AGMO: variants seen among roughly 807,000 people sequenced by gnomAD.
AGMO encodes the protein alkylglycerol monooxygenase, also known as glyceryl-ether monooxygenase.
AGMO carries 75 observed loss-of-function variants against 60.2 expected under a neutral mutation model. The ratio of observed to expected loss-of-function variants is 1.25; its 90% CI spans 1.03 to 1.51. The LOEUF (loss-of-function observed/expected upper bound fraction) is 1.51, where lower values mean the gene tolerates loss of function less well. AGMO is among the 40% of genes most tolerant of loss of function. The probability of loss-of-function intolerance (pLI) is 0.00; values close to 1 mark genes in which losing one functional copy is unlikely to be tolerated. For synonymous variants in AGMO, 261 were observed against 177.1 expected (o/e 1.47, Z -3.76); for missense variants, 763 against 525.5 (o/e 1.45, Z -4.42).
At chr7:15,227,922 A>G (rs1455123107) in intron 12 of AGMO, among the ~76,000 whole-genome samples, 2 of 152,050 alleles carry the variant, frequency 1.3e-5, no homozygotes, top group African/African-American at 2.4e-5. Flanking sequence ...AAAGCTTGGT[A>G]TTAGAGTATT....
At chr7:15,396,087 A>T (rs1190510373) in intron 5 of AGMO, 1 of 152,226 alleles carries the variant, frequency 6.6e-6, no homozygotes, top group Non-Finnish European at 1.5e-5. Context: ...CCCAGCTGCT[A>T]AGGGATTTCC....
intron 12 of AGMO, among the ~76,000 whole-genome samples, chr7:15,221,156 G>A (rs1781908917): frequency 6.6e-6 from 1 of 152,078 alleles, no homozygotes; most frequent in African/African-American, 2.4e-5. Flanking sequence ...CGAAAATGTA[G>A]GAGAATCATT....
intron 3 of AGMO, among the ~76,000 whole-genome samples, chr7:15,530,699 TATATTCTATATATACATTTCTATATAG>T (rs1554283342): frequency 4.3e-5 from 5 of 115,952 alleles, no homozygotes; most frequent in Non-Finnish European, 9.7e-5. Context: ...TATTTCTACA[TATATTCTATATATACATTTCTATATAG>T]ATATTCTATA....
At chr7:15,494,498 G>A (rs760775257) in intron 3 of AGMO, among the ~76,000 whole-genome samples, 5 of 152,158 alleles carry the variant, frequency 3.3e-5, no homozygotes, top group Non-Finnish European at 7.3e-5. Flanking sequence ...ATTACTATGT[G>A]TCGGCTAAAA....
chr7:15,288,603 A>G (rs946503964), intron 12 of AGMO, among the ~76,000 whole-genome samples: 1 of 152,104 alleles, frequency 6.6e-6, no homozygotes, highest in Non-Finnish European at 1.5e-5. Context: ...TGAAAGGAGA[A>G]AGAATCCTAT....
intron 12 of AGMO, among the ~76,000 whole-genome samples, chr7:15,305,579 A>G (rs913840442): frequency 3.9e-5 from 6 of 151,964 alleles, no homozygotes; most frequent in African/African-American, 1.4e-4. Context: ...ACAATTTATA[A>G]TTTTACTCTG....
At chr7:15,224,453 C>A (rs961895179) in intron 12 of AGMO, among the ~76,000 whole-genome samples, 1 of 151,970 alleles carries the variant, frequency 6.6e-6, no homozygotes, top group Non-Finnish European at 1.5e-5. Context: ...TTCTCTCTCT[C>A]TCTCTCCTCT....
chr7:15,524,585 G>T (rs1027892695), intron 3 of AGMO, among the ~76,000 whole-genome samples: 1 of 152,130 alleles, frequency 6.6e-6, no homozygotes, highest in African/African-American at 2.4e-5. Flanking sequence ...CTTTGTGGCC[G>T]GGCACACTGG....
intron 1 of AGMO, among the ~76,000 whole-genome samples, chr7:15,561,230 A>T (rs1409290854): frequency 2.0e-5 from 3 of 152,188 alleles, no homozygotes; most frequent in Non-Finnish European, 4.4e-5. Flanking sequence ...TCAGAGTTTC[A>T]AAGAAAACTT....
chr7:15,343,570 A>T lies in AGMO; in HGVS notation c.1263+21944T>A, dbSNP rs569131525. Among the ~76,000 whole-genome samples, 9 of 152,268 alleles carry T rather than the reference A, an allele frequency of 5.9e-5. No homozygotes were observed. The South Asian group carries it at 1.7e-3, about 28-fold the overall frequency. On this transcript the variant is annotated intron_variant, in intron 12 of 12. Coordinates refer to ENST00000342526, the MANE Select transcript of AGMO (RefSeq NM_001004320.2). ...TATTACTATCAGGTATAGAAATATA[A>T]TTTGAAAGATCAAATTACAAGAGTA...
At chr7:15,297,903 T>C (rs1212782646) in intron 12 of AGMO, among the ~76,000 whole-genome samples, 1 of 152,156 alleles carries the variant, frequency 6.6e-6, no homozygotes, top group Non-Finnish European at 1.5e-5. Flanking sequence ...GCTATTCTTA[T>C]TGGTTAAATA....
At chr7:15,380,141 T>C (rs530983414) in intron 10 of AGMO, among the ~76,000 whole-genome samples, 4 of 152,106 alleles carry the variant, frequency 2.6e-5, no homozygotes, top group Admixed American at 2.6e-4. Flanking sequence ...CTATTCAACA[T>C]AGTATTTTAA....
intron 2 of AGMO, among the ~76,000 whole-genome samples, chr7:15,545,770 T>G (rs1784763709): frequency 6.6e-6 from 1 of 152,040 alleles, no homozygotes; most frequent in Non-Finnish European, 1.5e-5. Flanking sequence ...TTATTCTTTC[T>G]TTCAAGTTTT....
At chr7:15,328,822 TGAG>T (rs1331541617) in intron 12 of AGMO, among the ~76,000 whole-genome samples, 2 of 152,138 alleles carry the variant, frequency 1.3e-5, no homozygotes, top group African/African-American at 4.8e-5. Context: ...TTAACCTCTC[TGAG>T]GCATTTCCTT....
At chr7:15,162,807 T>G in the AGMO span, among the ~76,000 whole-genome samples, 1 of 152,182 alleles carries the variant, frequency 6.6e-6, no homozygotes. Context: ...TACCTCCAGC[T>G]TTGTTCTTTA....
chr7:15,440,621 T>G (rs9942650), intron 3 of AGMO, among the ~76,000 whole-genome samples: 2 of 151,918 alleles, frequency 1.3e-5, no homozygotes, highest in Admixed American at 1.3e-4. Context: ...TGGTTTCACC[T>G]ATAGGCAGAT....
chr7:15,347,177 T>C (rs1022654491), intron 12 of AGMO, among the ~76,000 whole-genome samples: 3 of 152,022 alleles, frequency 2.0e-5, no homozygotes, highest in African/African-American at 7.2e-5. Flanking sequence ...TACTGTCTTT[T>C]TGTATAATTC....
At position 15,377,008 on chromosome 7, in the gene AGMO, T is replaced by C. The variant is rs180776218; in HGVS notation, c.1074+8438A>G. On this transcript the variant is annotated intron_variant, in intron 10 of 12. Coordinates refer to ENST00000342526, the MANE Select transcript of AGMO (RefSeq NM_001004320.2). ...ACAAGTAAGTATTTATCTTCTCTAA[T>C]ATATGCATAAACAGAAAAGACTGTG... 3.2e-4 allele frequency among the ~76,000 whole-genome samples: 49 copies of C among 152,226 alleles called. No homozygotes were observed. In the East Asian group the frequency reaches 7.3e-3, roughly 23 times the overall value.
At chr7:15,338,040 G>A (rs1781719023) in intron 12 of AGMO, among the ~76,000 whole-genome samples, 1 of 152,136 alleles carries the variant, frequency 6.6e-6, no homozygotes, top group African/African-American at 2.4e-5. Flanking sequence ...GGAAAGGAAT[G>A]TTTTATAAAT....
Sources: gnomAD v4.1 joint callset for allele counts (sites outside exome capture counted in the v4.1 genomes callset) on GRCh38, gnomAD v4.1.1 for gene constraint, MANE v1.5 for transcripts, NCBI Gene and HGNC (gene_info 2026-07-23, HGNC 2026-07-21) for gene names.